The following AARS2 variants were observed in gnomAD, a reference collection of about 807,000 sequenced individuals.
The protein encoded by AARS2 is alanine--tRNA ligase, mitochondrial.
A neutral mutation model predicts 119.7 loss-of-function variants in AARS2; 78 were observed. That is an observed-to-expected ratio of 0.65 (90% CI 0.54 to 0.79). The LOEUF is 0.79. Among genes scored for constraint, AARS2 ranks in the 30% least tolerant of loss-of-function variants. The pLI is 0.00. For missense variants in AARS2, 1,157 were observed against 1,291.3 expected (o/e 0.90, Z 1.59); for synonymous variants, 502 against 526.3 (o/e 0.95, Z 0.63).
Position 44,300,349 on chromosome 6 carries a change from T to C in AARS2, c.*198A>G. 1 of 681,032 alleles carries C rather than the reference T, an allele frequency of 1.5e-6. No individual in the cohort carries two copies. Among genetic ancestry groups the C allele is most frequent in the South Asian group, 1.8e-5 (1 of 56,286 alleles). 42.2% of individuals were successfully genotyped at this position (681,032 alleles called of 1,614,324 possible). On this transcript the variant is annotated 3_prime_UTR_variant, in exon 22 of 22. Coordinates refer to ENST00000244571, the MANE Select transcript of AARS2 (RefSeq NM_020745.4). ...TCTTCTCTTTCACCAAGGGGGTGTG[T>C]GTCTTTGGGCCCAGTTCTGCCTTCC...
chr6:44,304,365 G>C lies in AARS2; in HGVS notation c.1867-44C>G, dbSNP rs560377286. 167 of 1,614,200 alleles carry C rather than the reference G, an allele frequency of 1.0e-4. 1 individual carries two copies. The South Asian group carries it at 1.8e-3, about 17-fold the overall frequency. On this transcript the variant is annotated intron_variant, in intron 13 of 21. Coordinates refer to ENST00000244571, the MANE Select transcript of AARS2 (RefSeq NM_020745.4). The stretch of plus-strand genomic sequence containing the variant: ...CCAGCGTCCTGGGTGAGGGCAGGGG[G>C]TTGGGAGAGTGAAGGGGCTGCAGGG...
In AARS2 at chr6:44,302,907, G is replaced by A; in HGVS notation, c.2259C>T (p.His753=). The change falls in exon 17 of 22, where the codon CAC becomes CAT. Residue 753 remains histidine (H), a synonymous_variant. Coordinates refer to ENST00000244571, the MANE Select transcript of AARS2 (RefSeq NM_020745.4). The part of the protein sequence containing the change: ...QTSVELCCGT[H]LLRTGAVGDL... ...CCCCTACAGCCCCAGTACGTAACAG[G>A]TGCCTGTGGGAGGAAGGAGTGAACA... is the stretch of plus-strand genomic sequence containing the variant. 1 of 1,614,022 alleles carries A rather than the reference G, an allele frequency of 6.2e-7. No individual in the cohort carries two copies. The highest frequency in any genetic ancestry group is 8.5e-7 in the Non-Finnish European group (1 of 1,179,976).
chr6:44,301,233 G>T lies in AARS2; in HGVS notation c.2716C>A (p.Gln906Lys). 1 of 1,613,752 alleles carries T rather than the reference G, an allele frequency of 6.2e-7. No individual in the cohort carries two copies. Residue 906 changes from glutamine (Q) to lysine (K), a missense_variant, in exon 21 of 22, where the codon CAG becomes AAG. Coordinates refer to ENST00000244571, the MANE Select transcript of AARS2 (RefSeq NM_020745.4). The stretch of plus-strand genomic sequence containing the variant: ...AGGAGCACAGACGTGCTGGGGGCCT[G>T]CTCACACAGCTGCCGTACCACCTTC... ...LVKVVRQLCE[Q>K]APSTSVLLLS...
rs756151860 is a variant in AARS2, at chr6:44,311,147, C to A, written c.596G>T (p.Arg199Leu). 1 of 1,614,124 alleles carries A rather than the reference C, an allele frequency of 6.2e-7. No individual in the cohort carries two copies. The highest frequency in any genetic ancestry group is 2.2e-5 in the East Asian group (1 of 44,878). Residue 199 changes from arginine (R) to leucine (L), a missense_variant, in exon 4 of 22, where the codon CGT (arginine) becomes CTT (leucine). Coordinates refer to ENST00000244571, the MANE Select transcript of AARS2 (RefSeq NM_020745.4). ...IWLSLGVPAS[R>L]VLSFGPQENF... ...CTCTTGTGGTCCAAAGGAAAGCACA[C>A]GGCTAGCAGGCACCCTGGGGAGAAA... is the stretch of plus-strand genomic sequence containing the variant.
At chr6:44,302,722 C>T in intron 17 of AARS2, 80 bp downstream of exon 17, 1 of 1,493,914 alleles carries the variant, frequency 6.7e-7, no homozygotes, top group Non-Finnish European at 9.2e-7. Context: ...TGCTGGGCAC[C>T]CCTGAGCCTG....
Position 44,307,256 on chromosome 6 carries a change from C to T in AARS2, c.1033G>A (p.Gly345Ser), listed in dbSNP as rs767044067. The T allele has an allele frequency of 6.2e-7, 1 of 1,613,946 alleles. No individual in the cohort carries two copies. Among genetic ancestry groups the T allele is most frequent in the Non-Finnish European group, 8.5e-7 (1 of 1,179,974 alleles). ...TAGCCCTTCCAGACTCACGGGGGAC[C>T]TGACATCCCAGGGAAGATGCCATCA... ...ISDGIFPGMS[G>S]PPLVLRRILR... Residue 345 changes from glycine (G) to serine (S), a missense_variant, in exon 6 of 22, where the codon GGT becomes AGT. Gly to Ser is a moderately conservative substitution (Grantham distance 56, BLOSUM62 0). Coordinates refer to ENST00000244571, the MANE Select transcript of AARS2 (RefSeq NM_020745.4). The surrounding 1 kb of genome is among the most constrained non-coding windows in gnomAD (Gnocchi z 4.4).
Position 44,308,622 on chromosome 6 carries a change from T to A in AARS2, c.895-1228A>T, listed in dbSNP as rs910443210. Among the ~76,000 whole-genome samples the A allele has an allele frequency of 3.3e-5, 5 of 152,176 alleles. No individual in the cohort carries two copies. The East Asian group carries it at 9.7e-4, about 29-fold the overall frequency. On this transcript the variant is annotated intron_variant, in intron 5 of 21. Coordinates refer to ENST00000244571, the MANE Select transcript of AARS2 (RefSeq NM_020745.4). ...TTTTATTTATTTATTTTTTTTGAGA[T>A]GAACTCTCACTCTGTTGCCCAGGTT...
rs1785699074 is a variant in AARS2, at chr6:44,304,890, C to T, written c.1580-73G>A. 5 of 1,609,504 alleles carry T rather than the reference C, an allele frequency of 3.1e-6. No individual in the cohort carries two copies. The African/African-American group carries it at 4.0e-5, about 13-fold the overall frequency. On this transcript the variant is annotated intron_variant, in intron 11 of 21. Transcript: ENST00000244571. ...GTGAAGGTGGGTCTGTGCCTGGAGG[C>T]CAACAAGCACCCCCGCTGGCAGGGG... is the stretch of plus-strand genomic sequence containing the variant.
rs780106639 is a variant in AARS2, at chr6:44,310,312, T to C, written c.881A>G (p.Asn294Ser). Residue 294 changes from asparagine to serine, a missense_variant, in exon 5 of 22, where the codon AAC becomes AGC. Coordinates refer to ENST00000244571, the MANE Select transcript of AARS2 (RefSeq NM_020745.4). ...AGAGGCACTCACCTGCTGTATGGCGTTGAGCAGCGGGGAAAAGAGGTCAGT... is the reference window on the plus strand; with the variant it reads ...AGAGGCACTCACCTGCTGTATGGCGCTGAGCAGCGGGGAAAAGAGGTCAGT... ...YDTDLFSPLL[N>S]AIQQGCRAPP... The C allele has an allele frequency of 9.4e-6, 15 of 1,603,526 alleles. No homozygotes were observed. In the Admixed American group the frequency reaches 2.4e-4, roughly 26 times the overall value.
In AARS2 at chr6:44,299,241, C is replaced by T. The variant is rs1785166397; in HGVS notation, c.*1306G>A. Among the ~76,000 whole-genome samples the T allele has an allele frequency of 7.8e-6, 1 of 127,778 alleles. No homozygotes were observed. Among genetic ancestry groups the T allele is most frequent in the Non-Finnish European group, 1.7e-5 (1 of 59,654 alleles). 83.8% of individuals were successfully genotyped at this position (127,778 alleles called of 152,430 possible). ...TCTATTTCCCCCCCAGACCTCATCACCATCTGACACTTTCTCCCTTCTTTT... is the reference window on the plus strand; with the variant it reads ...TCTATTTCCCCCCCAGACCTCATCATCATCTGACACTTTCTCCCTTCTTTT... On this transcript the variant is annotated 3_prime_UTR_variant, in exon 22 of 22. Coordinates refer to ENST00000244571, the MANE Select transcript of AARS2 (RefSeq NM_020745.4).
rs752147112 is a variant in AARS2, at chr6:44,305,231, A to G, written c.1435-33T>C. ...GTGGGCATGGGCATGGAAGAAGTGC[A>G]TGGAGAATGAAAGAATGAAAGTGGG... On this transcript the variant is annotated intron_variant, in intron 10 of 21. Transcript: ENST00000244571. The surrounding 1 kb of genome is among the most constrained non-coding windows in gnomAD (Gnocchi z 4.6). The G allele has an allele frequency of 6.2e-7, 1 of 1,606,504 alleles. No individual in the cohort carries two copies. The highest frequency in any genetic ancestry group is 1.3e-5 in the African/African-American group (1 of 75,010).
chr6:44,303,233 G>C (rs1468635657), intron 15 of AARS2, 53 bp downstream of exon 15: 1 of 1,614,052 alleles, frequency 6.2e-7, no homozygotes, highest in African/African-American at 1.3e-5. Context: ...AAAGCCTCCA[G>C]GTATGCCTGA....
Position 44,306,545 on chromosome 6 carries a change from G to A in AARS2, c.1150-13C>T, listed in dbSNP as rs749085549. On this transcript the variant is annotated splice_polypyrimidine_tract_variant and intron_variant, in intron 7 of 21. Coordinates refer to ENST00000244571, the MANE Select transcript of AARS2 (RefSeq NM_020745.4). ...GATAAGCATCTCCCTGGGGGAGGTG[G>A]AGAGGGCTGAGGAGGTGTGAAAGGC... The A allele has an allele frequency of 2.3e-5, 37 of 1,613,982 alleles. No homozygotes were observed. The South Asian group carries it at 4.1e-4, about 18-fold the overall frequency.
Position 44,310,376 on chromosome 6 carries a change from G to C in AARS2, c.817C>G (p.Leu273Val). ...HVDTGMGLERLVAVLQGKHST... is the reference protein window; with the variant it reads ...HVDTGMGLERVVAVLQGKHST... The stretch of plus-strand genomic sequence containing the variant: ...TGTTTGCCTTGCAGCACAGCCACCA[G>C]CCTTTCCAGGCCCATTCCTGTGTCC... Residue 273 changes from leucine (L) to valine (V), a missense_variant, in exon 5 of 22, where the codon CTG becomes GTG. Leu to Val is a conservative substitution (Grantham distance 32). Coordinates refer to ENST00000244571, the MANE Select transcript of AARS2 (RefSeq NM_020745.4). The C allele has an allele frequency of 1.2e-6, 2 of 1,614,182 alleles. No individual in the cohort carries two copies. Among genetic ancestry groups the C allele is most frequent in the Non-Finnish European group, 1.7e-6 (2 of 1,180,016 alleles).
In AARS2 at chr6:44,300,490, T is replaced by C; in HGVS notation, c.*57A>G. On this transcript the variant is annotated 3_prime_UTR_variant, in exon 22 of 22. Coordinates refer to ENST00000244571, the MANE Select transcript of AARS2 (RefSeq NM_020745.4). ...CAGCATGTGGGAAGGTTCTGCTGGC[T>C]CCTTCAGGGCTCCTGGCATTGCCTT... The C allele has an allele frequency of 6.2e-7, 1 of 1,610,448 alleles. No individual in the cohort carries two copies. Among genetic ancestry groups the C allele is most frequent in the African/African-American group, 1.3e-5 (1 of 75,012 alleles).
In AARS2 at chr6:44,305,537, C is replaced by T. The variant is rs1057223497; in HGVS notation, c.1434+116G>A. The T allele has an allele frequency of 2.0e-6, 3 of 1,518,738 alleles. No homozygotes were observed. The highest frequency in any genetic ancestry group is 2.7e-6 in the Non-Finnish European group (3 of 1,102,784). The allele number at this position is 1,518,738 out of a possible 1,614,324, so 94.1% of individuals were successfully genotyped here. A position where few individuals can be genotyped will look rare whatever the true frequency, so the allele number is the denominator to read the frequency against. ...TTTAGAAACCTCCCAGGTGAGGGGA[C>T]AGATCCTATCTCAGCCTCTTGATTC... On this transcript the variant is annotated intron_variant, in intron 10 of 21. Transcript: ENST00000244571. This position sits in a 1 kb window ranked among gnomAD's most constrained non-coding sequence, Gnocchi z 4.6.
intron 7 of AARS2, 127 bp from the exon 8 acceptor site, chr6:44,306,659 C>T: frequency 8.4e-7 from 1 of 1,184,282 alleles, no homozygotes; most frequent in Non-Finnish European, 1.3e-6. Context: ...GGGAGAGGGA[C>T]TCAAATGGGG....
rs1388954938 is a variant in AARS2 at position 44,310,294 on chromosome 6, C to T, written c.894+5G>A. 3 of 1,590,614 alleles carry T rather than the reference C, an allele frequency of 1.9e-6. No individual in the cohort carries two copies. In the Admixed American group the frequency reaches 5.4e-5, roughly 29 times the overall value. ...GAGGGCTTCTGGAAGGGAAGAGGCA[C>T]TCACCTGCTGTATGGCGTTGAGCAG... On this transcript the variant is annotated splice_donor_5th_base_variant and intron_variant, in intron 5 of 21. Transcript: ENST00000244571.
Position 44,313,330 on chromosome 6 carries a change from T to C in AARS2, c.-7A>G. 2 of 1,600,104 alleles carry C rather than the reference T, an allele frequency of 1.2e-6. No individual in the cohort carries two copies. Among genetic ancestry groups the C allele is most frequent in the Middle Eastern group, 2.1e-4 (1 of 4,670 alleles). ...CTGCCACTGACGCTGCCATCGTAGC[T>C]CCGGGCAGTGACTTTACGTGGTCAA... is the stretch of plus-strand genomic sequence containing the variant. On this transcript the variant is annotated 5_prime_UTR_variant, in exon 1 of 22. Transcript: ENST00000244571.
Sources: gnomAD v4.1 joint callset for allele counts (sites outside exome capture counted in the v4.1 genomes callset) on GRCh38, gnomAD v4.1.1 for gene constraint, Gnocchi (gnomAD v3.1) non-coding constraint, MANE v1.5 for transcripts, NCBI Gene and HGNC (gene_info 2026-07-23, HGNC 2026-07-21) for gene names.